MAML3: variants seen among roughly 807,000 people sequenced by gnomAD.
The protein encoded by MAML3 is mastermind like transcriptional coactivator 3, also known as mastermind-like protein 3.
MAML3 carries 27 observed loss-of-function variants against 101.9 expected under a neutral mutation model. That is an observed-to-expected ratio of 0.27 (90% confidence interval 0.20 to 0.37). The LOEUF (loss-of-function observed/expected upper bound fraction) is 0.37. Ranked by LOEUF, MAML3 falls within the 10% of genes least tolerant of loss-of-function variation. The probability of loss-of-function intolerance (pLI) is 1.00; values close to 1 mark genes in which losing one functional copy is unlikely to be tolerated. For synonymous variants in MAML3, 501 were observed against 555.9 expected, an observed-to-expected ratio of 0.90 and a Z score of 1.39; for missense variants, 1,316 against 1,444.9, an observed-to-expected ratio of 0.91 and a Z score of 1.45.
intron 1 of MAML3, among the ~76,000 whole-genome samples, chr4:140,120,118 T>C (rs1476547926): frequency 4.6e-5 from 7 of 151,610 alleles, no homozygotes. Flanking sequence ...GCGCCTGTAG[T>C]CCCAGCTACT....
intron 1 of MAML3, among the ~76,000 whole-genome samples, chr4:140,027,771 A>G (rs1726850021): frequency 6.6e-6 from 1 of 152,164 alleles, no homozygotes; most frequent in African/African-American, 2.4e-5. Context: ...ATTTGAATTC[A>G]TTTTCTGAAC....
At chr4:140,080,216 G>A (rs1235376873) in intron 1 of MAML3, among the ~76,000 whole-genome samples, 2 of 152,338 alleles carry the variant, frequency 1.3e-5, no homozygotes, top group East Asian at 1.9e-4. Context: ...AGACTAAAGA[G>A]GGAGCTTGAA....
At chr4:139,885,483 C>T (rs1417952819) in intron 2 of MAML3, among the ~76,000 whole-genome samples, 1 of 151,978 alleles carries the variant, frequency 6.6e-6, no homozygotes. Flanking sequence ...ATATTCTATG[C>T]CTGTAACAAA....
chr4:140,113,690 G>C (rs1342359564), intron 1 of MAML3, among the ~76,000 whole-genome samples: 1 of 152,192 alleles, frequency 6.6e-6, no homozygotes, highest in Non-Finnish European at 1.5e-5. Context: ...CAGAGGAGTA[G>C]AGTCTTGTTG....
At chr4:139,852,704 C>T (rs4863517) in intron 2 of MAML3, among the ~76,000 whole-genome samples, 42,782 of 152,036 alleles carry the variant, frequency 0.28, 7,171 homozygotes, top group East Asian at 0.68. Flanking sequence ...TGTGCACCAC[C>T]GTGCCTGGCC....
At chr4:139,857,267 G>A (rs1731677712) in intron 2 of MAML3, among the ~76,000 whole-genome samples, 1 of 152,104 alleles carries the variant, frequency 6.6e-6, no homozygotes, top group African/African-American at 2.4e-5. Context: ...CAAGCGGAAG[G>A]TCTGTTTTTG....
chr4:140,143,844 G>A (rs1729014754), intron 1 of MAML3, among the ~76,000 whole-genome samples: 1 of 152,304 alleles, frequency 6.6e-6, no homozygotes, highest in South Asian at 2.1e-4. Flanking sequence ...ATACCACGTG[G>A]CCAGCTAGGA....
At chr4:139,783,378 C>T (rs1244003094) in intron 2 of MAML3, among the ~76,000 whole-genome samples, 2 of 152,168 alleles carry the variant, frequency 1.3e-5, no homozygotes, top group Non-Finnish European at 2.9e-5. Context: ...GTGGTGTCTA[C>T]ACATCATTCA....
At chr4:139,770,326 T>C (rs946645485) in intron 2 of MAML3, among the ~76,000 whole-genome samples, 1 of 152,222 alleles carries the variant, frequency 6.6e-6, no homozygotes, top group African/African-American at 2.4e-5. Context: ...CAAAAAATAT[T>C]TGGACACTTC....
At chr4:139,847,353 A>T (rs1391371196) in intron 2 of MAML3, among the ~76,000 whole-genome samples, 1 of 152,214 alleles carries the variant, frequency 6.6e-6, no homozygotes, top group Non-Finnish European at 1.5e-5. Context: ...CCGTTGAGCA[A>T]ATCATAAAAA....
At chr4:139,894,336 C>A (rs985256100) in intron 1 of MAML3, among the ~76,000 whole-genome samples, 1 of 152,048 alleles carries the variant, frequency 6.6e-6, no homozygotes, top group African/African-American at 2.4e-5. Context: ...CGGTGAAACC[C>A]CGTCTCTACT....
At chr4:140,124,514 G>C (rs561133373) in intron 1 of MAML3, among the ~76,000 whole-genome samples, 28 of 152,226 alleles carry the variant, frequency 1.8e-4, no homozygotes, top group Non-Finnish European at 2.8e-4. Flanking sequence ...TAACCATTAG[G>C]AAGTGTTCTC....
intron 1 of MAML3, among the ~76,000 whole-genome samples, chr4:139,952,337 G>C (rs552809701): frequency 6.6e-6 from 1 of 152,288 alleles, no homozygotes; most frequent in African/African-American, 2.4e-5. Flanking sequence ...CAGGTAGGCA[G>C]GGGGTCTCTC....
chr4:140,152,821 C>G (rs906707829), intron 1 of MAML3, 39 bp downstream of exon 1: 7 of 1,585,914 alleles, frequency 4.4e-6, no homozygotes, highest in Non-Finnish European at 4.3e-6. Flanking sequence ...ACCACCACCC[C>G]CAACGCGCGC....
chr4:139,750,297 C>T (rs1729463406), intron 2 of MAML3, among the ~76,000 whole-genome samples: 3 of 152,186 alleles, frequency 2.0e-5, no homozygotes. Context: ...AGAAGCAACA[C>T]AGCATCCCCT....
Position 140,067,398 on chromosome 4 carries a change from A to C in MAML3, c.468+85462T>G, listed in dbSNP as rs376448252. ...CACAGATTCTAGAGAAGTGCTTGGG[A>C]TAGCCAACAAGGTTAGGGAGGGAGA... On this transcript the variant is annotated intron_variant, in intron 1 of 4. Coordinates refer to ENST00000509479, the MANE Select transcript of MAML3 (RefSeq NM_018717.5). 1.6e-4 allele frequency among the ~76,000 whole-genome samples: 24 copies of C among 152,330 alleles called. No individual in the cohort carries two copies. In the East Asian group the frequency reaches 4.2e-3, roughly 27 times the overall value.
At chr4:139,766,918 G>T (rs957083197) in intron 2 of MAML3, among the ~76,000 whole-genome samples, 16 of 152,182 alleles carry the variant, frequency 1.1e-4, no homozygotes, top group African/African-American at 3.6e-4. Flanking sequence ...TGAGCTAGTT[G>T]CCCTCTGTAT....
At chr4:139,725,064 C>A (rs1370717412) in intron 4 of MAML3, among the ~76,000 whole-genome samples, 1 of 152,152 alleles carries the variant, frequency 6.6e-6, no homozygotes. Flanking sequence ...CGGCCAAGGG[C>A]TCTCTCTATT....
rs895228915 is a variant in MAML3 at position 139,888,522 on chromosome 4, C to A, written c.2079+835G>T. ...TAGAACAAATGTTATATTAAAGGAG[C>A]TTTGGCTGTTTGCCACTGGTCAGGA... is the stretch of plus-strand genomic sequence containing the variant. On this transcript the variant is annotated intron_variant, in intron 2 of 4. Transcript: ENST00000509479. The A allele has an allele frequency of 4.2e-5, 22 of 518,782 alleles. No individual in the cohort carries two copies. In the Admixed American group the frequency reaches 4.3e-4, roughly 10 times the overall value. 32.1% of individuals were successfully genotyped at this position (518,782 alleles called of 1,614,324 possible).
Sources: gnomAD v4.1 joint callset for allele counts (sites outside exome capture counted in the v4.1 genomes callset) on GRCh38, gnomAD v4.1.1 for gene constraint, MANE v1.5 for transcripts, NCBI Gene and HGNC (gene_info 2026-07-23, HGNC 2026-07-21) for gene names.